ATE1: variants seen among roughly 807,000 people sequenced by gnomAD.
ATE1 encodes arginyltransferase 1.
ATE1 carries 36 observed loss-of-function variants against 70.5 expected under a neutral mutation model. The ratio of observed to expected loss-of-function variants is 0.51; its 90% confidence interval spans 0.39 to 0.67. The LOEUF (loss-of-function observed/expected upper bound fraction) is 0.67, where lower values mean the gene tolerates loss of function less well. ATE1 is among the 30% of genes least tolerant of loss of function. The pLI is 0.00. For missense variants in ATE1, 593 were observed against 629.5 expected (o/e 0.94, Z 0.62); for synonymous variants, 232 against 219.3 (o/e 1.06, Z -0.51).
At chr10:121,785,617 C>A (rs190954378) in intron 11 of ATE1, among the ~76,000 whole-genome samples, 1 of 152,092 alleles carries the variant, frequency 6.6e-6, no homozygotes, top group Non-Finnish European at 1.5e-5. Flanking sequence ...AAGAAAGAGG[C>A]CTTTAAACAG....
intron 5 of ATE1, 49 bp downstream of exon 5, chr10:121,910,857 G>C: frequency 6.2e-7 from 1 of 1,611,076 alleles, no homozygotes; most frequent in Non-Finnish European, 8.5e-7. Flanking sequence ...AAATGACTCA[G>C]CAAAAAGCAA....
At chr10:121,810,222 A>G (rs947807634) in intron 10 of ATE1, among the ~76,000 whole-genome samples, 2 of 152,204 alleles carry the variant, frequency 1.3e-5, no homozygotes, top group Non-Finnish European at 2.9e-5. Context: ...TAAAAATCCT[A>G]TTCAAAGTTC....
rs1947557836 is a variant in ATE1, at chr10:121,816,697, G to A, written c.1257+20021C>T. Among the ~76,000 whole-genome samples, 3 of 152,176 alleles carry A rather than the reference G, an allele frequency of 2.0e-5. No homozygotes were observed. The South Asian group carries it at 6.2e-4, about 32-fold the overall frequency. On this transcript the variant is annotated intron_variant, in intron 10 of 11. Coordinates refer to ENST00000224652, the MANE Select transcript of ATE1 (RefSeq NM_001001976.3). ...AAACTTCCCAGTCTTCAGACTGTGA[G>A]AAATAAAAATCTGTTGTTTATAAAT...
chr10:121,850,026 C>T (rs1429942051), intron 8 of ATE1, among the ~76,000 whole-genome samples: 1 of 152,082 alleles, frequency 6.6e-6, no homozygotes, highest in Non-Finnish European at 1.5e-5. Flanking sequence ...TTTGCCCTTA[C>T]TGAAGAATCA....
intron 10 of ATE1, among the ~76,000 whole-genome samples, chr10:121,802,434 G>A (rs371855482): frequency 1.5e-4 from 23 of 151,734 alleles, no homozygotes; most frequent in African/African-American, 4.8e-4. Context: ...TCAGCCTCCC[G>A]AGTTGCTGGG....
At chr10:121,838,300 GCGT>G (rs1376824802) in intron 9 of ATE1, among the ~76,000 whole-genome samples, 1 of 151,406 alleles carries the variant, frequency 6.6e-6, no homozygotes, top group Non-Finnish European at 1.5e-5. Flanking sequence ...TATTCCACCT[GCGT>G]CCTTCTCACC....
At chr10:121,826,555 T>C (rs894381155) in intron 10 of ATE1, among the ~76,000 whole-genome samples, 6 of 152,220 alleles carry the variant, frequency 3.9e-5, no homozygotes, top group Admixed American at 3.9e-4. Flanking sequence ...TCCACCCTCC[T>C]CGGCCTCCCA....
At chr10:121,838,916 A>G (rs1201376555) in intron 9 of ATE1, among the ~76,000 whole-genome samples, 1 of 152,222 alleles carries the variant, frequency 6.6e-6, no homozygotes. Context: ...ACATAAAACT[A>G]TATTGATTGT....
intron 10 of ATE1, among the ~76,000 whole-genome samples, chr10:121,797,870 G>A (rs1008652583): frequency 6.6e-6 from 1 of 152,116 alleles, no homozygotes; most frequent in Non-Finnish European, 1.5e-5. Context: ...TTACTTCCAT[G>A]GGGCTTATCA....
intron 11 of ATE1, among the ~76,000 whole-genome samples, chr10:121,772,000 A>G (rs576838006): frequency 1.1e-4 from 17 of 152,300 alleles, no homozygotes; most frequent in Non-Finnish European, 2.2e-4. Context: ...TGTAAGAACA[A>G]TATTCTCGTT....
chr10:121,807,588 T>C (rs1706397445), intron 10 of ATE1, among the ~76,000 whole-genome samples: 1 of 152,198 alleles, frequency 6.6e-6, no homozygotes, highest in African/African-American at 2.4e-5. Flanking sequence ...ATGATGCACG[T>C]GATGACACTG....
chr10:121,800,015 C>T (rs1946813531), intron 10 of ATE1, among the ~76,000 whole-genome samples: 1 of 152,062 alleles, frequency 6.6e-6, no homozygotes, highest in Non-Finnish European at 1.5e-5. Context: ...ATAGTAAATC[C>T]AGAAATATGT....
Position 121,795,256 on chromosome 10 carries a change from T to TA in ATE1, c.1258-4968dup, listed in dbSNP as rs1946617434. Among the ~76,000 whole-genome samples the TA allele has an allele frequency of 6.6e-5, 10 of 151,946 alleles. No individual in the cohort carries two copies. The South Asian group carries it at 2.1e-3, about 32-fold the overall frequency. ...GAGTGAGTCTCTGTCTCAAAAAAAA[T>TA]AAAAATAAAAATTTTTTAAAAAAAG... On this transcript the variant is annotated intron_variant, in intron 10 of 11. Coordinates refer to ENST00000224652, the MANE Select transcript of ATE1 (RefSeq NM_001001976.3).
At chr10:121,842,363 A>G (rs1172430894) in intron 8 of ATE1, among the ~76,000 whole-genome samples, 1 of 152,194 alleles carries the variant, frequency 6.6e-6, no homozygotes, top group African/African-American at 2.4e-5. Flanking sequence ...CTGGAGACTG[A>G]GTGAATGTTA....
chr10:121,913,428 G>A (rs140489112), intron 4 of ATE1, among the ~76,000 whole-genome samples: 260 of 152,314 alleles, frequency 1.7e-3, no homozygotes, highest in Non-Finnish European at 3.2e-3. Context: ...CAAGCTGCAT[G>A]TAAGCACTTG....
chr10:121,781,584 C>T (rs1945990854), intron 11 of ATE1, among the ~76,000 whole-genome samples: 1 of 152,156 alleles, frequency 6.6e-6, no homozygotes, highest in Non-Finnish European at 1.5e-5. Flanking sequence ...TCCCTAGACC[C>T]TACTCCTGTT....
chr10:121,893,528 A>C (rs1246125129), intron 7 of ATE1, among the ~76,000 whole-genome samples: 1 of 152,162 alleles, frequency 6.6e-6, no homozygotes, highest in East Asian at 1.9e-4. Context: ...AGACACAATT[A>C]TATAAAGGAA....
At chr10:121,791,088 G>GTGTA (rs1946431832) in intron 10 of ATE1, among the ~76,000 whole-genome samples, 1 of 139,724 alleles carries the variant, frequency 7.2e-6, no homozygotes, top group African/African-American at 2.7e-5. Context: ...GTGTGTGTGT[G>GTGTA]TATATATATT....
At chr10:121,744,242 A>T (rs1445374176) in intron 11 of ATE1, among the ~76,000 whole-genome samples, 1 of 152,058 alleles carries the variant, frequency 6.6e-6, no homozygotes, top group Non-Finnish European at 1.5e-5. Flanking sequence ...AATTTAAAAA[A>T]TTTTTAACTT....
Sources: allele counts gnomAD v4.1 joint callset (sites outside exome capture counted in the v4.1 genomes callset), GRCh38; gene constraint gnomAD v4.1.1; transcripts MANE v1.5; gene names NCBI Gene and HGNC (gene_info 2026-07-23, HGNC 2026-07-21).